Variants in LRRTM4 observed in about 807,000 individuals in gnomAD.
LRRTM4 encodes the protein leucine rich repeat transmembrane neuronal 4, also known as leucine-rich repeat transmembrane neuronal protein 4.
Under a neutral mutation model 47.6 loss-of-function variants are expected in LRRTM4, and 25 were observed. The ratio of observed to expected loss-of-function variants is 0.53; its 90% confidence interval spans 0.38 to 0.73. LRRTM4 has a LOEUF of 0.73. LRRTM4 is among the 30% of genes least tolerant of loss of function. LRRTM4 has a pLI of 0.00. For missense variants in LRRTM4, 638 were observed against 713.4 expected (o/e 0.89, Z 1.20); for synonymous variants, 311 against 269.5 (o/e 1.15, Z -1.51).
chr2:76,873,841 A>G (rs371879577), intron 3 of LRRTM4, among the ~76,000 whole-genome samples: 2 of 151,886 alleles, frequency 1.3e-5, no homozygotes, highest in Admixed American at 1.3e-4. Flanking sequence ...AGGAAAATTC[A>G]TGAACGATAT....
At chr2:76,935,978 T>C (rs1443152945) in intron 3 of LRRTM4, among the ~76,000 whole-genome samples, 1 of 152,236 alleles carries the variant, frequency 6.6e-6, no homozygotes. Context: ...GCTATGAGTT[T>C]ACACTGTTGG....
chr2:77,479,701 G>GTCTCCATCTCTCTCTTTCTCTTC (rs992952802), intron 3 of LRRTM4, among the ~76,000 whole-genome samples: 5 of 151,236 alleles, frequency 3.3e-5, no homozygotes, highest in African/African-American at 1.2e-4. Flanking sequence ...TCTTTTTCTC[G>GTCTCCATCTCTCTCTTTCTCTTC]TCTCCATCTC....
intron 3 of LRRTM4, among the ~76,000 whole-genome samples, chr2:77,438,500 G>A (rs1385917581): frequency 2.1e-5 from 3 of 144,662 alleles, no homozygotes; most frequent in African/African-American, 5.2e-5. Context: ...TCCGCCTCCC[G>A]GGTTCACGCC....
intron 3 of LRRTM4, among the ~76,000 whole-genome samples, chr2:77,230,857 AT>A (rs1182022468): frequency 6.6e-6 from 1 of 152,170 alleles, no homozygotes; most frequent in East Asian, 1.9e-4. Context: ...TAAGAAAAAA[AT>A]AACACAAACT....
intron 3 of LRRTM4, among the ~76,000 whole-genome samples, chr2:77,051,581 G>C (rs187973104): frequency 2.0e-5 from 3 of 152,270 alleles, no homozygotes; most frequent in Non-Finnish European, 4.4e-5. Flanking sequence ...CTAGCCATGT[G>C]TGTGAGTGTG....
intron 3 of LRRTM4, among the ~76,000 whole-genome samples, chr2:77,115,575 C>T (rs1459970269): frequency 3.3e-5 from 5 of 152,118 alleles, no homozygotes; most frequent in East Asian, 1.9e-4. Flanking sequence ...CCGGTCCCTC[C>T]GTTCGGGGTC....
intron 3 of LRRTM4, among the ~76,000 whole-genome samples, chr2:77,091,561 C>T (rs1670641966): frequency 6.7e-6 from 1 of 148,484 alleles, no homozygotes; most frequent in South Asian, 2.2e-4. Flanking sequence ...GGTGCCAAAC[C>T]CATATACTCT....
chr2:77,087,346 A>G (rs879931050), intron 3 of LRRTM4, among the ~76,000 whole-genome samples: 2 of 152,236 alleles, frequency 1.3e-5, no homozygotes, highest in Non-Finnish European at 2.9e-5. Flanking sequence ...GAAACAAAAA[A>G]TCTCACCCAT....
chr2:77,452,062 C>A (rs1351149707), intron 3 of LRRTM4, among the ~76,000 whole-genome samples: 2 of 151,774 alleles, frequency 1.3e-5, no homozygotes, highest in African/African-American at 4.9e-5. Flanking sequence ...GTAGCTTCTC[C>A]TTATAGACCA....
At chr2:76,829,510 T>A (rs1053321301) in intron 3 of LRRTM4, among the ~76,000 whole-genome samples, 1 of 145,606 alleles carries the variant, frequency 6.9e-6, no homozygotes, top group Non-Finnish European at 1.5e-5. Context: ...ACATCTAATC[T>A]CTAATTACAT....
chr2:76,853,714 T>C (rs565914793), intron 3 of LRRTM4, among the ~76,000 whole-genome samples: 3 of 152,300 alleles, frequency 2.0e-5, no homozygotes, highest in African/African-American at 7.2e-5. Flanking sequence ...ATATTAGGCA[T>C]ACAATATATC....
chr2:77,495,150 C>G (rs1678312922), intron 3 of LRRTM4, among the ~76,000 whole-genome samples: 3 of 151,838 alleles, frequency 2.0e-5, no homozygotes, highest in South Asian at 4.2e-4. Context: ...TTTTATGTCC[C>G]TTGGTTACCT....
At chr2:77,062,314 A>G (rs547832945) in intron 3 of LRRTM4, among the ~76,000 whole-genome samples, 92 of 152,210 alleles carry the variant, frequency 6.0e-4, no homozygotes, top group Non-Finnish European at 1.2e-3. Context: ...CAAAAAGCAT[A>G]TGTCAGGGAG....
chr2:76,923,877 G>T (rs1674508359), intron 3 of LRRTM4, among the ~76,000 whole-genome samples: 2 of 152,072 alleles, frequency 1.3e-5, no homozygotes, highest in African/African-American at 4.8e-5. Context: ...TCTTCAAAGA[G>T]AATATCTTAT....
At chr2:77,054,471 T>G (rs1281611745) in intron 3 of LRRTM4, among the ~76,000 whole-genome samples, 1 of 152,222 alleles carries the variant, frequency 6.6e-6, no homozygotes, top group Non-Finnish European at 1.5e-5. Context: ...TTGCCTCACT[T>G]GGCATTTTGT....
chr2:77,504,788 T>TTAAGGA (rs138992820), intron 3 of LRRTM4, among the ~76,000 whole-genome samples: 103,793 of 150,708 alleles, frequency 0.69, 36,243 homozygotes, highest in African/African-American at 0.74. Context: ...GAGAAGATGT[T>TTAAGGA]TAAGTATTAC....
intron 3 of LRRTM4, among the ~76,000 whole-genome samples, chr2:77,219,654 G>A (rs562803746): frequency 2.0e-5 from 3 of 152,210 alleles, no homozygotes; most frequent in Non-Finnish European, 4.4e-5. Context: ...TTGGAATCAG[G>A]GCATGATGGA....
intron 3 of LRRTM4, among the ~76,000 whole-genome samples, chr2:76,805,221 G>C (rs897811304): frequency 6.6e-6 from 1 of 152,042 alleles, no homozygotes; most frequent in Non-Finnish European, 1.5e-5. Flanking sequence ...GTGGGAAAAA[G>C]CCCTAAAAAA....
At chr2:77,232,074 T>C (rs566931033) in intron 3 of LRRTM4, among the ~76,000 whole-genome samples, 114 of 152,328 alleles carry the variant, frequency 7.5e-4, no homozygotes, top group African/African-American at 2.5e-3. Context: ...CTCTTTGTTT[T>C]CCACATCAAC....
Sources: gnomAD v4.1 joint callset for allele counts (sites outside exome capture counted in the v4.1 genomes callset) on GRCh38, gnomAD v4.1.1 for gene constraint, MANE v1.5 for transcripts, NCBI Gene and HGNC (gene_info 2026-07-23, HGNC 2026-07-21) for gene names.